Variants in ARHGAP19 observed in about 807,000 individuals in gnomAD.
ARHGAP19 encodes the protein rho GTPase-activating protein 19.
Under a neutral mutation model 60.9 loss-of-function variants are expected in ARHGAP19, and 48 were observed. The observed-to-expected ratio is 0.79, with a 90% CI of 0.62 to 1.00. The LOEUF is 1.00. Ranked by LOEUF, ARHGAP19 falls within the 50% of genes least tolerant of loss-of-function variation. The pLI, the probability that ARHGAP19 is intolerant of heterozygous loss-of-function variation, is 0.00. For missense variants in ARHGAP19, 562 were observed against 597.2 expected, an observed-to-expected ratio of 0.94 and a Z score of 0.61; for synonymous variants, 209 against 215.5, an observed-to-expected ratio of 0.97 and a Z score of 0.27.
At chr10:97,284,851 T>C (rs1274452144) in intron 1 of ARHGAP19, among the ~76,000 whole-genome samples, 4 of 147,064 alleles carry the variant, frequency 2.7e-5, no homozygotes, top group African/African-American at 7.6e-5. Flanking sequence ...AAAAAAAGCA[T>C]ATACTTTTTT....
At chr10:97,280,400 C>T (rs1323480229) in intron 1 of ARHGAP19, among the ~76,000 whole-genome samples, 1 of 151,838 alleles carries the variant, frequency 6.6e-6, no homozygotes, top group Admixed American at 6.6e-5. Context: ...CAGACCAAGA[C>T]TCCATCTCAA....
At chr10:97,257,037 C>A (rs1035778422) in intron 5 of ARHGAP19, among the ~76,000 whole-genome samples, 2 of 152,102 alleles carry the variant, frequency 1.3e-5, no homozygotes, top group Non-Finnish European at 2.9e-5. Flanking sequence ...AGGAGAATGG[C>A]ATGAACCCGG....
At chr10:97,227,881 G>GTCTT (rs375547856) in intron 11 of ARHGAP19, among the ~76,000 whole-genome samples, 2 of 152,136 alleles carry the variant, frequency 1.3e-5, no homozygotes, top group Non-Finnish European at 2.9e-5. Context: ...TTTAAAAAAC[G>GTCTT]TCTTTCTTTC....
At chr10:97,248,188 G>A (rs1842590590) in intron 6 of ARHGAP19, among the ~76,000 whole-genome samples, 1 of 152,116 alleles carries the variant, frequency 6.6e-6, no homozygotes, top group African/African-American at 2.4e-5. Context: ...GCCAAAGCGG[G>A]TAGATCACTT....
chr10:97,233,272 G>A (rs1037744914), intron 9 of ARHGAP19, among the ~76,000 whole-genome samples: 28 of 151,774 alleles, frequency 1.8e-4, no homozygotes, highest in African/African-American at 5.3e-4. Flanking sequence ...ATCGCTGAGC[G>A]CCCAGGAGAT....
At chr10:97,272,903 C>T (rs1487159044) in intron 1 of ARHGAP19, among the ~76,000 whole-genome samples, 5 of 148,952 alleles carry the variant, frequency 3.4e-5, no homozygotes, top group Admixed American at 6.7e-5. Flanking sequence ...TGCAGTGGGA[C>T]GATCTCGGCT....
chr10:97,292,599 T>TC lies in ARHGAP19; in HGVS notation c.28dup (p.Glu10GlyfsTer11), dbSNP rs1564732258. On this transcript the variant is annotated frameshift_variant, in exon 1 of 12. Coordinates refer to ENST00000358531, the MANE Select transcript of ARHGAP19 (RefSeq NM_032900.6). LOFTEE classifies it high-confidence loss of function. ...CCGGCCGGATTCGCGGGCTGGCACC[T>TC]CCCCTTCACTCTGTGCCTCAGTCGC... 2.5e-6 allele frequency: 4 copies of TC among 1,614,088 alleles called. No individual in the cohort carries two copies. Among genetic ancestry groups the TC allele is most frequent in the Non-Finnish European group, 3.4e-6 (4 of 1,180,006 alleles).
intron 6 of ARHGAP19, among the ~76,000 whole-genome samples, chr10:97,250,161 G>A (rs1842622797): frequency 6.6e-6 from 1 of 152,048 alleles, no homozygotes; most frequent in Non-Finnish European, 1.5e-5. Flanking sequence ...GTATCATGGT[G>A]TCTGCAACTA....
At chr10:97,238,509 C>T (rs2484881) in intron 8 of ARHGAP19, among the ~76,000 whole-genome samples, 46,196 of 151,972 alleles carry the variant, frequency 0.3, 7,138 homozygotes, top group African/African-American at 0.32. Context: ...TGAGCTACCA[C>T]GCCCAGCCTG....
intron 1 of ARHGAP19, among the ~76,000 whole-genome samples, chr10:97,290,966 T>C (rs1330866595): frequency 2.0e-5 from 3 of 152,128 alleles, no homozygotes; most frequent in Non-Finnish European, 1.5e-5. Context: ...CTGGATTTCC[T>C]AGGCCAACTA....
chr10:97,223,797 G>C lies in ARHGAP19; in HGVS notation c.*2325C>G, dbSNP rs371840682. 9.9e-4 allele frequency: 150 copies of C among 152,228 alleles called. No individual in the cohort carries two copies. The highest frequency in any genetic ancestry group is 3.4e-3 in the African/African-American group (142 of 41,514). 9.4% of individuals were successfully genotyped at this position (152,228 alleles called of 1,614,324 possible). A position where few individuals can be genotyped will look rare whatever the true frequency, so the allele number is the denominator to read the frequency against. ...CTGTGTTTTCCGTAAGATTCCACTG[G>C]ATTAGAATAGTTACATATTACAAGG... On this transcript the variant is annotated 3_prime_UTR_variant, in exon 12 of 12. Coordinates refer to ENST00000358531, the MANE Select transcript of ARHGAP19 (RefSeq NM_032900.6).
At chr10:97,281,240 A>C (rs1843082335) in intron 1 of ARHGAP19, among the ~76,000 whole-genome samples, 1 of 132,350 alleles carries the variant, frequency 7.6e-6, no homozygotes, top group Non-Finnish European at 1.6e-5. Context: ...AAAAAAAAAA[A>C]TTGTTTTTAA....
intron 8 of ARHGAP19, among the ~76,000 whole-genome samples, chr10:97,238,079 G>A (rs1198139653): frequency 6.6e-6 from 1 of 152,106 alleles, no homozygotes; most frequent in African/African-American, 2.4e-5. Context: ...CATAGGAGAT[G>A]ACAGCTCCAT....
intron 1 of ARHGAP19, among the ~76,000 whole-genome samples, chr10:97,292,301 G>T (rs1209618191): frequency 6.6e-6 from 1 of 152,218 alleles, no homozygotes; most frequent in East Asian, 1.9e-4. Context: ...GCGCCAAAGC[G>T]ATCAGCGCTG....
intron 8 of ARHGAP19, among the ~76,000 whole-genome samples, chr10:97,242,009 CAA>C (rs1199588724): frequency 7.5e-5 from 9 of 120,350 alleles, no homozygotes; most frequent in African/African-American, 2.3e-4. Context: ...GACTCTGCCT[CAA>C]AAAAAAAAAA....
At chr10:97,239,384 T>C (rs1842432393) in intron 8 of ARHGAP19, among the ~76,000 whole-genome samples, 1 of 151,978 alleles carries the variant, frequency 6.6e-6, no homozygotes, top group African/African-American at 2.4e-5. Context: ...TAGTCCCAGC[T>C]ACTCTGGAGG....
intron 3 of ARHGAP19, 63 bp from the exon 4 acceptor site, chr10:97,263,692 T>C (rs1842861526): frequency 3.3e-6 from 5 of 1,515,946 alleles, no homozygotes; most frequent in East Asian, 4.5e-5. Flanking sequence ...ATTATTAAAA[T>C]AAATGGTCTA....
intron 1 of ARHGAP19, among the ~76,000 whole-genome samples, chr10:97,283,207 A>C (rs993041662): frequency 1.3e-5 from 2 of 152,150 alleles, no homozygotes; most frequent in African/African-American, 4.8e-5. Context: ...GCAAAACATC[A>C]GCACAAAATA....
At position 97,270,825 on chromosome 10, in the gene ARHGAP19, AAACTAGACCAGTT is replaced by A. The variant is rs1482246058; in HGVS notation, c.57-4713_57-4701del. On this transcript the variant is annotated intron_variant, in intron 1 of 11. Transcript: ENST00000358531. Reference sequence around the variant, plus strand: ...CTGCAAGAAGGAAAATAGAGATAAAAAACTAGACCAGTTAATTAACTGTATTTGCCAATGCATA... The same window carrying A: ...CTGCAAGAAGGAAAATAGAGATAAAAAATTAACTGTATTTGCCAATGCATA... 3.7e-5 allele frequency: 8 copies of A among 213,990 alleles called. No homozygotes were observed. In the Admixed American group the frequency reaches 5.2e-4, roughly 14 times the overall value. The allele number at this position is 213,990 out of a possible 1,614,324, so 13.3% of individuals were successfully genotyped here.
Sources: gnomAD v4.1 joint callset for allele counts (sites outside exome capture counted in the v4.1 genomes callset) on GRCh38, gnomAD v4.1.1 for gene constraint, MANE v1.5 for transcripts, NCBI Gene and HGNC (gene_info 2026-07-23, HGNC 2026-07-21) for gene names.